BCAS3: variants seen among roughly 807,000 people sequenced by gnomAD.
The protein encoded by BCAS3 is BCAS4/BCAS3 fusion.
A neutral mutation model predicts 116.1 loss-of-function variants in BCAS3; 53 were observed. The observed-to-expected ratio is 0.46, with a 90% confidence interval of 0.37 to 0.57. The LOEUF (loss-of-function observed/expected upper bound fraction) is 0.57, where lower values mean the gene tolerates loss of function less well. Ranked by LOEUF, BCAS3 falls within the 20% of genes least tolerant of loss-of-function variation. The pLI is 0.00. For synonymous variants in BCAS3, 391 were observed against 408.2 expected (o/e 0.96, Z 0.51); for missense variants, 917 against 1,165.4 (o/e 0.79, Z 3.10).
At chr17:61,027,114 T>TA (rs1162386976) in intron 16 of BCAS3, among the ~76,000 whole-genome samples, 173 of 134,534 alleles carry the variant, frequency 1.3e-3, no homozygotes, top group African/African-American at 4.3e-3. Flanking sequence ...CTTTAAAAAG[T>TA]AAAAAACAAA....
intron 14 of BCAS3, among the ~76,000 whole-genome samples, chr17:60,975,233 C>G (rs1195361652): frequency 6.6e-6 from 1 of 151,744 alleles, no homozygotes; most frequent in Non-Finnish European, 1.5e-5. Context: ...GATCTCCTGA[C>G]CTCATGATCC....
At position 61,284,512 on chromosome 17, in the gene BCAS3, G is replaced by A. The variant is rs572708018; in HGVS notation, c.2426-83815G>A. On this transcript the variant is annotated intron_variant, in intron 22 of 23. Transcript: ENST00000407086. The stretch of plus-strand genomic sequence containing the variant: ...ACTGTAACACTCATCGCGAGGGTCC[G>A]CGGCTGGTTCTTGAAATCAGCCAGA... Among the ~76,000 whole-genome samples the A allele has an allele frequency of 2.0e-5, 3 of 152,140 alleles. No individual in the cohort carries two copies. In the South Asian group the frequency reaches 6.2e-4, roughly 32 times the overall value.
chr17:60,879,350 T>G (rs2055904019), intron 9 of BCAS3, among the ~76,000 whole-genome samples: 1 of 152,202 alleles, frequency 6.6e-6, no homozygotes, highest in Non-Finnish European at 1.5e-5. Flanking sequence ...ATGAAGGGAC[T>G]GTAAAATAAG....
intron 20 of BCAS3, among the ~76,000 whole-genome samples, chr17:61,075,378 G>A (rs1257817487): frequency 2.0e-5 from 3 of 152,076 alleles, no homozygotes; most frequent in African/African-American, 4.8e-5. Context: ...GCAGTGACAC[G>A]ACCTTGGCTC....
intron 13 of BCAS3, among the ~76,000 whole-genome samples, chr17:60,934,873 A>G (rs2059835440): frequency 3.3e-5 from 5 of 152,142 alleles, no homozygotes; most frequent in Admixed American, 3.3e-4. Flanking sequence ...TAAAAACAGT[A>G]AGAGGCTGGG....
chr17:61,055,921 A>G (rs1249536288), intron 19 of BCAS3, among the ~76,000 whole-genome samples: 1 of 152,152 alleles, frequency 6.6e-6, no homozygotes, highest in Non-Finnish European at 1.5e-5. Context: ...TAGTGAATGG[A>G]GAGAGTTACC....
intron 7 of BCAS3, among the ~76,000 whole-genome samples, chr17:60,813,632 T>C (rs939423619): frequency 6.6e-6 from 1 of 152,208 alleles, no homozygotes; most frequent in African/African-American, 2.4e-5. Flanking sequence ...GTTTGCTCTG[T>C]TGATAGTCTC....
rs908523216 is a variant in BCAS3, at chr17:61,388,123, C to T, written c.2594-3854C>T. ...CTGATGGACTTCCCCAACAGGTCCA[C>T]CTCAACCGCAGGACAGCTGCTCAGA... is the stretch of plus-strand genomic sequence containing the variant. On this transcript the variant is annotated intron_variant, in intron 23 of 23. Transcript: ENST00000407086. This position sits in a 1 kb window ranked among gnomAD's most constrained non-coding sequence, Gnocchi z 6.5. 7.2e-5 allele frequency among the ~76,000 whole-genome samples: 11 copies of T among 152,332 alleles called. No individual in the cohort carries two copies. Among genetic ancestry groups the T allele is most frequent in the African/African-American group, 2.6e-4 (11 of 41,586 alleles).
chr17:60,813,218 C>G (rs1346048577), intron 7 of BCAS3, among the ~76,000 whole-genome samples: 1 of 151,574 alleles, frequency 6.6e-6, no homozygotes, highest in Non-Finnish European at 1.5e-5. Flanking sequence ...CGTCTATAGA[C>G]TGTATTAAGA....
At position 61,387,152 on chromosome 17, in the gene BCAS3, C is replaced by T. The variant is rs2143662722; in HGVS notation, c.2594-4825C>T. Reference sequence around the variant, plus strand: ...CCTGCGTCTCACACAGGCCCTGTGCCCTCCGCATTTCACCCCTCCCGGGGA... The same window carrying T: ...CCTGCGTCTCACACAGGCCCTGTGCTCTCCGCATTTCACCCCTCCCGGGGA... On this transcript the variant is annotated intron_variant, in intron 23 of 23. Transcript: ENST00000407086. This position sits in a 1 kb window ranked among gnomAD's most constrained non-coding sequence, Gnocchi z 6.2. Among the ~76,000 whole-genome samples, 1 of 152,334 alleles carries T rather than the reference C, an allele frequency of 6.6e-6. No individual in the cohort carries two copies. The highest frequency in any genetic ancestry group is 2.4e-5 in the African/African-American group (1 of 41,562).
intron 22 of BCAS3, among the ~76,000 whole-genome samples, chr17:61,245,621 G>A (rs1180218999): frequency 1.3e-5 from 2 of 152,044 alleles, no homozygotes; most frequent in African/African-American, 4.8e-5. Context: ...TTTTCTCTTT[G>A]GTAGAAAAAT....
chr17:61,026,911 G>A lies in BCAS3; in HGVS notation c.1638-7755G>A. 1 of 1,600,296 alleles carries A rather than the reference G, an allele frequency of 6.2e-7. No homozygotes were observed. The highest frequency in any genetic ancestry group is 8.5e-7 in the Non-Finnish European group (1 of 1,172,548). On this transcript the variant is annotated intron_variant, in intron 16 of 23. Transcript: ENST00000407086. This position sits in a 1 kb window ranked among gnomAD's most constrained non-coding sequence, Gnocchi z 5.0. ...GGTGTTTTTCCATAAAAGCCCCATG[G>A]TGAGTTCCAGTTCAGTCCCGCATGC...
rs192235220 is a variant in BCAS3, at chr17:61,368,842, G to A, written c.2593+348G>A. On this transcript the variant is annotated intron_variant, in intron 23 of 23. Transcript: ENST00000407086. This position sits in a 1 kb window ranked among gnomAD's most constrained non-coding sequence, Gnocchi z 6.0. ...CCTCAGGTTGTACCTCTTCAGACAC[G>A]CTGGAGACTTAGAGATTGGCAAGTC... 2.7e-4 allele frequency among the ~76,000 whole-genome samples: 41 copies of A among 152,190 alleles called. No individual in the cohort carries two copies. Among genetic ancestry groups the A allele is most frequent in the Non-Finnish European group, 5.3e-4 (36 of 68,034 alleles).
chr17:61,269,753 T>C (rs896500021), intron 22 of BCAS3, among the ~76,000 whole-genome samples: 2 of 152,186 alleles, frequency 1.3e-5, no homozygotes, highest in African/African-American at 4.8e-5. Context: ...CATTTGCAGT[T>C]ATTCTTGGAT....
intron 5 of BCAS3, among the ~76,000 whole-genome samples, chr17:60,715,825 A>G (rs558380160): frequency 2.6e-5 from 4 of 151,024 alleles, no homozygotes; most frequent in African/African-American, 9.7e-5. Context: ...TCCCAGTGTT[A>G]AGATTGATTG....
chr17:60,909,699 G>GA (rs2058385844), intron 11 of BCAS3, among the ~76,000 whole-genome samples: 1 of 151,900 alleles, frequency 6.6e-6, no homozygotes, highest in South Asian at 2.1e-4. Flanking sequence ...CCTTTCAGAT[G>GA]AAAAAACTTG....
intron 7 of BCAS3, among the ~76,000 whole-genome samples, chr17:60,846,466 G>A (rs747839881): frequency 3.3e-5 from 5 of 152,116 alleles, no homozygotes; most frequent in South Asian, 2.1e-4. Flanking sequence ...TTAGCTGATG[G>A]CGTTTGTGAG....
chr17:61,089,475 C>CT (rs746515447), intron 22 of BCAS3, among the ~76,000 whole-genome samples: 906 of 15,958 alleles, frequency 0.057, 9 homozygotes, highest in Non-Finnish European at 0.08. Flanking sequence ...GAAGAGTATT[C>CT]TTTTTTTTTT....
rs2063731882 is a variant in BCAS3 at position 60,994,725 on chromosome 17, CTTTA to C, written c.1486+4494_1486+4497del. ...GATAACTTTCCTATTTGCAACTTTTCTTTATTTGACATTATTATTGCCTCTTTGA... is the reference window on the plus strand; with the variant it reads ...GATAACTTTCCTATTTGCAACTTTTCTTTGACATTATTATTGCCTCTTTGA... On this transcript the variant is annotated intron_variant, in intron 15 of 23. Coordinates refer to ENST00000407086, the MANE Select transcript of BCAS3 (RefSeq NM_017679.5). This position sits in a 1 kb window ranked among gnomAD's most constrained non-coding sequence, Gnocchi z 4.4. Among the ~76,000 whole-genome samples, 1 of 152,122 alleles carries C rather than the reference CTTTA, an allele frequency of 6.6e-6. No homozygotes were observed. Among genetic ancestry groups the C allele is most frequent in the African/African-American group, 2.4e-5 (1 of 41,432 alleles).
Sources: allele counts gnomAD v4.1 joint callset (sites outside exome capture counted in the v4.1 genomes callset), GRCh38; gene constraint gnomAD v4.1.1; non-coding constraint Gnocchi (gnomAD v3.1); transcripts MANE v1.5; gene names NCBI Gene and HGNC (gene_info 2026-07-23, HGNC 2026-07-21).